The following SFMBT2 variants were observed in gnomAD, a reference collection of about 807,000 sequenced individuals.
The protein encoded by SFMBT2 is scm-like with four MBT domains protein 2.
A neutral mutation model predicts 110.1 loss-of-function variants in SFMBT2; 38 were observed. That is an observed-to-expected ratio of 0.35 (90% CI 0.27 to 0.45). SFMBT2 has a LOEUF of 0.45. SFMBT2 is among the 20% of genes least tolerant of loss of function. The pLI is 1.00. For synonymous variants in SFMBT2, 425 were observed against 425.4 expected (o/e 1.00, Z 0.01); for missense variants, 1,011 against 1,094.9 (o/e 0.92, Z 1.08).
intron 11 of SFMBT2, among the ~76,000 whole-genome samples, chr10:7,212,727 A>C (rs1839390446): frequency 6.6e-6 from 1 of 152,228 alleles, no homozygotes; most frequent in African/African-American, 2.4e-5. Flanking sequence ...GAAAGTGCCA[A>C]GTTCACACAT....
At position 7,313,299 on chromosome 10, in the gene SFMBT2, G is replaced by A. The variant is rs188673706; in HGVS notation, c.437-27345C>T. Among the ~76,000 whole-genome samples, 1,115 of 152,062 alleles carry A rather than the reference G, an allele frequency of 7.3e-3. 17 individuals carry two copies. Among genetic ancestry groups the A allele is most frequent in the African/African-American group, 0.026 (1,059 of 41,452 alleles). ...GTGTATGGTAAAAACCTAGAGGGGC[G>A]AATATAATATTCAACATTGACTAAA... is the stretch of plus-strand genomic sequence containing the variant. On this transcript the variant is annotated intron_variant, in intron 4 of 20. Transcript: ENST00000397167.
At chr10:7,369,965 C>G (rs778559510) in intron 3 of SFMBT2, among the ~76,000 whole-genome samples, 1 of 152,092 alleles carries the variant, frequency 6.6e-6, no homozygotes, top group African/African-American at 2.4e-5. Flanking sequence ...GCTCAAGTGA[C>G]CCTCCCCACC....
In SFMBT2 at chr10:7,410,903, G is replaced by A. The variant is rs1026218448; in HGVS notation, c.-94C>T. On this transcript the variant is annotated 5_prime_UTR_variant, in exon 1 of 21. Coordinates refer to ENST00000397167, the MANE Select transcript of SFMBT2 (RefSeq NM_001387889.1). The stretch of plus-strand genomic sequence containing the variant: ...GCCCTCGGCGTGGACCCAGGCCCCG[G>A]TCGCCGCCCGGGAGGGCACCGGCCT... Among the ~76,000 whole-genome samples the A allele has an allele frequency of 6.6e-6, 1 of 151,044 alleles. No individual in the cohort carries two copies. Among genetic ancestry groups the A allele is most frequent in the Non-Finnish European group, 1.5e-5 (1 of 67,696 alleles).
rs2985308 is a variant in SFMBT2, at chr10:7,228,738, T to C, written c.1121-801A>G. On this transcript the variant is annotated intron_variant, in intron 9 of 20. Coordinates refer to ENST00000397167, the MANE Select transcript of SFMBT2 (RefSeq NM_001387889.1). ...TTCTTTCTTTCTTTCTTTCTTTCCT[T>C]TCTCTCTCTCTCTCTCTCTCTCTCT... is the stretch of plus-strand genomic sequence containing the variant. Among the ~76,000 whole-genome samples, 484 of 62,312 alleles carry C rather than the reference T, an allele frequency of 7.8e-3. 16 individuals are homozygous for C. Among genetic ancestry groups the C allele is most frequent in the African/African-American group, 0.027 (363 of 13,472 alleles). The allele number at this position is 62,312 out of a possible 152,430, so 40.9% of individuals were successfully genotyped here. A position where few individuals can be genotyped will look rare whatever the true frequency, so the allele number is the denominator to read the frequency against.
intron 1 of SFMBT2, among the ~76,000 whole-genome samples, chr10:7,400,866 T>C (rs1588512622): frequency 6.6e-6 from 1 of 151,932 alleles, no homozygotes; most frequent in Non-Finnish European, 1.5e-5. Context: ...GGCGCGGTGG[T>C]TCGCGCCTGT....
chr10:7,361,941 C>A (rs932742540), intron 4 of SFMBT2, among the ~76,000 whole-genome samples: 1 of 152,140 alleles, frequency 6.6e-6, no homozygotes, highest in Admixed American at 6.5e-5. Context: ...AATGTCACTG[C>A]TTTTCAATAA....
intron 4 of SFMBT2, among the ~76,000 whole-genome samples, chr10:7,339,112 T>C (rs1264560803): frequency 2.0e-5 from 3 of 152,030 alleles, no homozygotes; most frequent in African/African-American, 7.3e-5. Context: ...TGATGACAGG[T>C]ACCTGTAGTC....
chr10:7,371,728 A>G (rs1300526369), intron 2 of SFMBT2, among the ~76,000 whole-genome samples: 1 of 152,158 alleles, frequency 6.6e-6, no homozygotes, highest in Non-Finnish European at 1.5e-5. Flanking sequence ...AATAATGTCC[A>G]ATGGATGCTG....
At chr10:7,379,542 T>C (rs1255094108) in intron 2 of SFMBT2, among the ~76,000 whole-genome samples, 2 of 152,178 alleles carry the variant, frequency 1.3e-5, no homozygotes, top group Non-Finnish European at 2.9e-5. Context: ...TTTAAATGTG[T>C]GTCCTCTTTA....
chr10:7,214,114 G>C (rs1839450983), intron 11 of SFMBT2, among the ~76,000 whole-genome samples: 1 of 152,228 alleles, frequency 6.6e-6, no homozygotes, highest in Non-Finnish European at 1.5e-5. Flanking sequence ...AAGGGTGGTA[G>C]AGAAACGTAC....
intron 4 of SFMBT2, among the ~76,000 whole-genome samples, chr10:7,365,420 C>G (rs1844863491): frequency 6.6e-6 from 1 of 152,234 alleles, no homozygotes; most frequent in Non-Finnish European, 1.5e-5. Flanking sequence ...CACTCGATTA[C>G]TCAGTGAATC....
At chr10:7,306,129 G>A (rs1431783301) in intron 4 of SFMBT2, among the ~76,000 whole-genome samples, 5 of 152,132 alleles carry the variant, frequency 3.3e-5, no homozygotes, top group Non-Finnish European at 7.3e-5. Context: ...TGTTCATAGG[G>A]GTCAAAAAGA....
chr10:7,332,249 A>T (rs1023774854), intron 4 of SFMBT2, among the ~76,000 whole-genome samples: 1 of 151,722 alleles, frequency 6.6e-6, no homozygotes, highest in Non-Finnish European at 1.5e-5. Context: ...TCAGTGGATG[A>T]ACTTCAATAA....
chr10:7,353,969 C>T (rs1844413386), intron 4 of SFMBT2, among the ~76,000 whole-genome samples: 1 of 151,762 alleles, frequency 6.6e-6, no homozygotes. Context: ...TGCGTGTAAT[C>T]TCAGCTACTT....
chr10:7,268,420 G>C (rs530047254), intron 7 of SFMBT2, among the ~76,000 whole-genome samples: 1 of 152,310 alleles, frequency 6.6e-6, no homozygotes, highest in Admixed American at 6.5e-5. Flanking sequence ...TTTTGCTTGA[G>C]TGGACATTGG....
At chr10:7,302,243 AAT>A (rs1842573801) in intron 4 of SFMBT2, among the ~76,000 whole-genome samples, 1 of 152,208 alleles carries the variant, frequency 6.6e-6, no homozygotes. Flanking sequence ...CTTGTTTGCT[AAT>A]AAGACAAGGC....
chr10:7,168,195 T>G (rs1000546954), intron 20 of SFMBT2, among the ~76,000 whole-genome samples: 1 of 152,170 alleles, frequency 6.6e-6, no homozygotes, highest in African/African-American at 2.4e-5. Flanking sequence ...CTTAGGAATA[T>G]AAGAAAGGAA....
chr10:7,172,746 G>C lies in SFMBT2; in HGVS notation c.1985-85C>G. The C allele has an allele frequency of 7.0e-7, 1 of 1,431,540 alleles. No homozygotes were observed. Among genetic ancestry groups the C allele is most frequent in the Non-Finnish European group, 9.4e-7 (1 of 1,060,296 alleles). The allele number at this position is 1,431,540 out of a possible 1,614,324, so 88.7% of individuals were successfully genotyped here. A position where few individuals can be genotyped will look rare whatever the true frequency, so the allele number is the denominator to read the frequency against. ...GAGAGGAGAGAGAAAGAAGGGAAAC[G>C]ATTCTTTCATCTGATAGTTCATTTG... On this transcript the variant is annotated intron_variant, in intron 17 of 20. Transcript: ENST00000397167. The surrounding 1 kb of genome is among the most constrained non-coding windows in gnomAD (Gnocchi z 4.6).
intron 16 of SFMBT2, among the ~76,000 whole-genome samples, chr10:7,187,008 C>T (rs1161979115): frequency 1.3e-5 from 2 of 152,160 alleles, no homozygotes; most frequent in Non-Finnish European, 2.9e-5. Context: ...TTCAGTAGAG[C>T]TGGGTTTCAC....
Sources: allele counts gnomAD v4.1 joint callset (sites outside exome capture counted in the v4.1 genomes callset), GRCh38; gene constraint gnomAD v4.1.1; non-coding constraint Gnocchi (gnomAD v3.1); transcripts MANE v1.5; gene names NCBI Gene and HGNC (gene_info 2026-07-23, HGNC 2026-07-21).